Variants in RPH3A observed in about 807,000 individuals in gnomAD.
The protein encoded by RPH3A is rabphilin-3A.
RPH3A carries 48 observed loss-of-function variants against 102.2 expected under a neutral mutation model. That is an observed-to-expected ratio of 0.47 (90% CI 0.37 to 0.60). The LOEUF is 0.60. Among genes scored for constraint, RPH3A ranks in the 20% least tolerant of loss-of-function variants. RPH3A has a pLI of 0.00. For missense variants in RPH3A, 781 were observed against 910.1 expected (o/e 0.86, Z 1.83); for synonymous variants, 310 against 324.3 (o/e 0.96, Z 0.47).
chr12:112,773,782 T>G lies in RPH3A; in HGVS notation c.-139-18361T>G, dbSNP rs181323733. The stretch of plus-strand genomic sequence containing the variant: ...AAAATCAAGTAACAAGAATGCTTTG[T>G]AAAGAAAGGCAGTAGGGGCCAGGCA... On this transcript the variant is annotated intron_variant, in intron 1 of 21. Coordinates refer to the RPH3A transcript ENST00000543106. Among the ~76,000 whole-genome samples, 41 of 152,014 alleles carry G rather than the reference T, an allele frequency of 2.7e-4. 1 individual carries two copies. Among genetic ancestry groups the G allele is most frequent in the Admixed American group, 2.5e-3 (38 of 15,282 alleles).
chr12:112,864,349 G>T (rs965221209), intron 5 of RPH3A, among the ~76,000 whole-genome samples: 1 of 151,856 alleles, frequency 6.6e-6, no homozygotes, highest in Non-Finnish European at 1.5e-5. Flanking sequence ...TACTCAGGAG[G>T]CTGAGGCAGG....
chr12:112,686,901 G>A (rs1261363300), intron 1 of RPH3A, among the ~76,000 whole-genome samples: 4 of 152,216 alleles, frequency 2.6e-5, no homozygotes, highest in South Asian at 4.1e-4. Context: ...GGAGGCTGAC[G>A]TGGGAGGATT....
At chr12:112,772,532 T>C (rs1038702804) in intron 1 of RPH3A, among the ~76,000 whole-genome samples, 1 of 152,274 alleles carries the variant, frequency 6.6e-6, no homozygotes, top group Middle Eastern at 3.4e-3. Flanking sequence ...GTAGAAACAA[T>C]AGCTAAGGTT....
chr12:112,869,556 C>T lies in RPH3A; in HGVS notation c.611-203C>T, dbSNP rs2042669804. ...TTGTTCTTTATAAAGCCTGTGTATG[C>T]TCATATGTGTTTGTGCATGCAAAAA... On this transcript the variant is annotated intron_variant, in intron 8 of 21. Transcript: ENST00000389385. 1.0e-5 allele frequency: 6 copies of T among 594,272 alleles called. No homozygotes were observed. The East Asian group carries it at 1.7e-4, about 17-fold the overall frequency. 36.8% of individuals were successfully genotyped at this position (594,272 alleles called of 1,614,324 possible). A position where few individuals can be genotyped will look rare whatever the true frequency, so the allele number is the denominator to read the frequency against.
intron 1 of RPH3A, among the ~76,000 whole-genome samples, chr12:112,632,564 C>T (rs1435788599): frequency 6.6e-6 from 1 of 152,162 alleles, no homozygotes; most frequent in East Asian, 1.9e-4. Context: ...ACCCACTGTC[C>T]TTGGAGGAGA....
chr12:112,711,854 CAG>C (rs1387031090), intron 1 of RPH3A, among the ~76,000 whole-genome samples: 2 of 152,016 alleles, frequency 1.3e-5, no homozygotes, highest in Admixed American at 6.6e-5. Flanking sequence ...TTTTTTGAGA[CAG>C]AGTTTTGTTC....
intron 1 of RPH3A, among the ~76,000 whole-genome samples, chr12:112,655,804 C>T (rs751202168): frequency 1.6e-4 from 24 of 151,894 alleles, no homozygotes; most frequent in Admixed American, 2.6e-4. Flanking sequence ...AACTCCTGAC[C>T]TCAGGTGATC....
At chr12:112,759,897 T>C (rs2040844092) in intron 1 of RPH3A, among the ~76,000 whole-genome samples, 1 of 152,152 alleles carries the variant, frequency 6.6e-6, no homozygotes, top group Non-Finnish European at 1.5e-5. Context: ...GGTAAGTCAT[T>C]GATCAGCCCT....
intron 2 of RPH3A, among the ~76,000 whole-genome samples, chr12:112,813,766 G>C (rs2041622991): frequency 6.6e-6 from 1 of 152,194 alleles, no homozygotes; most frequent in South Asian, 2.1e-4. Context: ...CCACGTAACA[G>C]TTGAGGGAAC....
At chr12:112,808,635 A>T (rs901030643) in intron 2 of RPH3A, among the ~76,000 whole-genome samples, 1 of 152,206 alleles carries the variant, frequency 6.6e-6, no homozygotes, top group African/African-American at 2.4e-5. Context: ...CATGAACCAG[A>T]ACATTTGGTC....
intron 1 of RPH3A, among the ~76,000 whole-genome samples, chr12:112,713,051 CCTTCTTCTTCTT>C (rs397958107): frequency 0.038 from 3,242 of 85,784 alleles, 86 homozygotes; most frequent in Non-Finnish European, 0.051. Flanking sequence ...TTCTTCTTCT[CCTTCTTCTTCTT>C]CTTCTTCTTC....
intron 4 of RPH3A, chr12:112,842,123 C>T (rs1214494771): frequency 2.3e-6 from 1 of 430,600 alleles, no homozygotes; most frequent in Non-Finnish European, 4.7e-6. Context: ...TCATTGTCTT[C>T]CCTACTCTTC....
chr12:112,628,092 C>T (rs1180484192), intron 1 of RPH3A, among the ~76,000 whole-genome samples: 1 of 152,042 alleles, frequency 6.6e-6, no homozygotes, highest in Admixed American at 6.6e-5. Flanking sequence ...CCCCATGATC[C>T]AATCACCCAC....
At position 112,876,655 on chromosome 12, in the gene RPH3A, C is replaced by T. The variant is rs144619056; in HGVS notation, c.960C>T (p.Ser320=). 1.3e-4 allele frequency: 208 copies of T among 1,606,590 alleles called. No homozygotes were observed. The African/African-American group carries it at 2.2e-3, about 17-fold the overall frequency. The change falls in exon 13 of 22, where the codon AGC becomes AGT. Residue 320 remains serine (S), a synonymous_variant. Transcript: ENST00000389385. Reference sequence around the variant, plus strand: ...ATCTCCCTGCAGAGGTGGCTCCGAGCGACCCTGGGACCACTGCCCCACCCC... The same window carrying T: ...ATCTCCCTGCAGAGGTGGCTCCGAGTGACCCTGGGACCACTGCCCCACCCC... ...FPDQKPEVAP[S]DPGTTAPPRE...
intron 3 of RPH3A, among the ~76,000 whole-genome samples, chr12:112,832,874 T>G (rs1219795392): frequency 6.6e-6 from 1 of 151,910 alleles, no homozygotes; most frequent in African/African-American, 2.4e-5. Context: ...TATTTATAGT[T>G]AAATGATATT....
At chr12:112,770,789 C>T (rs551329555) in intron 1 of RPH3A, among the ~76,000 whole-genome samples, 1 of 152,332 alleles carries the variant, frequency 6.6e-6, no homozygotes, top group East Asian at 1.9e-4. Context: ...TAATTGAACA[C>T]AATTGCATGT....
chr12:112,800,260 A>G (rs866576926), intron 2 of RPH3A, among the ~76,000 whole-genome samples: 12 of 152,180 alleles, frequency 7.9e-5, no homozygotes, highest in Non-Finnish European at 1.5e-4. Context: ...GGAAATAGCC[A>G]TGAGTAGATG....
At chr12:112,603,538 CA>C (rs2039572844) in intron 1 of RPH3A, among the ~76,000 whole-genome samples, 1 of 151,830 alleles carries the variant, frequency 6.6e-6, no homozygotes, top group Non-Finnish European at 1.5e-5. Flanking sequence ...ACAACAAAAA[CA>C]AAAAAATCAT....
At chr12:112,678,279 A>AGAGAGAGAG in intron 1 of RPH3A, among the ~76,000 whole-genome samples, 1 of 64,806 alleles carries the variant, frequency 1.5e-5, no homozygotes, top group East Asian at 5.4e-4. Context: ...GAAAGAAAGA[A>AGAGAGAGAG]AGAAAGAAAG....
Sources: allele counts gnomAD v4.1 joint callset (sites outside exome capture counted in the v4.1 genomes callset), GRCh38; gene constraint gnomAD v4.1.1; transcripts MANE v1.5; gene names NCBI Gene and HGNC (gene_info 2026-07-23, HGNC 2026-07-21).